PRPH: variants seen among roughly 807,000 people sequenced by gnomAD.
The protein encoded by PRPH is peripherin.
In PRPH, 48 loss-of-function variants were observed where a neutral mutation model predicts 52.6. The observed-to-expected ratio is 0.91, with a 90% confidence interval of 0.72 to 1.16. The LOEUF (loss-of-function observed/expected upper bound fraction) is 1.16. Ranked by LOEUF, PRPH falls within the 50% of genes most tolerant of loss-of-function variation. The pLI is 0.00. For missense variants in PRPH, 579 were observed against 635.7 expected (o/e 0.91, Z 0.96); for synonymous variants, 279 against 283.8 (o/e 0.98, Z 0.17).
At chr12:49,298,075 C>T (rs1449682144) in intron 8 of PRPH, 38 bp downstream of exon 8, 1 of 1,601,156 alleles carries the variant, frequency 6.2e-7, no homozygotes, top group East Asian at 2.2e-5. Flanking sequence ...CCCACCATTT[C>T]CCATATTATT....
Position 49,297,652 on chromosome 12 carries a change from C to T in PRPH, c.1218-25C>T, listed in dbSNP as rs770406093. 14 of 1,613,088 alleles carry T rather than the reference C, an allele frequency of 8.7e-6. No homozygotes were observed. In the African/African-American group the frequency reaches 1.3e-4, roughly 15 times the overall value. On this transcript the variant is annotated intron_variant, in intron 6 of 8. Coordinates refer to ENST00000257860, the MANE Select transcript of PRPH (RefSeq NM_006262.4). This position sits in a 1 kb window ranked among gnomAD's most constrained non-coding sequence, Gnocchi z 4.4. ...GGGCAGGGCGGGGCCTGGGCAGGGGCGCTGACAACTTGCTTCGCCTCTAGG... is the reference window on the plus strand; with the variant it reads ...GGGCAGGGCGGGGCCTGGGCAGGGGTGCTGACAACTTGCTTCGCCTCTAGG...
At position 49,296,155 on chromosome 12, in the gene PRPH, C is replaced by A; in HGVS notation, c.546-23C>A. 1 of 1,609,868 alleles carries A rather than the reference C, an allele frequency of 6.2e-7. No individual in the cohort carries two copies. The highest frequency in any genetic ancestry group is 2.0e-4 in the Middle Eastern group (1 of 4,882). ...GCTGGGCGGCGACCCCGCAGTTCAGCCTCTGCACGCTCTTCCCGTCAGGTT... is the reference window on the plus strand; with the variant it reads ...GCTGGGCGGCGACCCCGCAGTTCAGACTCTGCACGCTCTTCCCGTCAGGTT... On this transcript the variant is annotated intron_variant, in intron 1 of 8. Coordinates refer to ENST00000257860, the MANE Select transcript of PRPH (RefSeq NM_006262.4). This position sits in a 1 kb window ranked among gnomAD's most constrained non-coding sequence, Gnocchi z 5.1.
intron 1 of PRPH, 149 bp downstream of exon 1, chr12:49,295,894 C>T: frequency 6.9e-7 from 1 of 1,440,622 alleles, no homozygotes; most frequent in East Asian, 2.5e-5. Flanking sequence ...GGGCAGCATC[C>T]CTGCCCACGG....
In PRPH at chr12:49,296,609, C is replaced by A; in HGVS notation, c.702+82C>A. 1 of 1,331,438 alleles carries A rather than the reference C, an allele frequency of 7.5e-7. No individual in the cohort carries two copies. The highest frequency in any genetic ancestry group is 1.1e-6 in the Non-Finnish European group (1 of 938,912). 82.5% of individuals were successfully genotyped at this position (1,331,438 alleles called of 1,614,324 possible). On this transcript the variant is annotated intron_variant, in intron 3 of 8. Transcript: ENST00000257860. The surrounding 1 kb of genome is among the most constrained non-coding windows in gnomAD (Gnocchi z 5.1). Reference sequence around the variant, plus strand: ...GCTGGCGGGTGGAGCGGAGGCATCGCCCTGGGGATCAGGACGATGCTGGGT... The same window carrying A: ...GCTGGCGGGTGGAGCGGAGGCATCGACCTGGGGATCAGGACGATGCTGGGT...
rs747403786 is a variant in PRPH, at chr12:49,297,627, G to A, written c.1217+50G>A. ...GGCAGGGCGGGGTCGGGACTGGGCC[G>A]GGCAGGGCGGGGCCTGGGCAGGGGC... On this transcript the variant is annotated intron_variant, in intron 6 of 8. Transcript: ENST00000257860. The surrounding 1 kb of genome is among the most constrained non-coding windows in gnomAD (Gnocchi z 4.4). 3.1e-6 allele frequency: 5 copies of A among 1,611,484 alleles called. No homozygotes were observed. Among genetic ancestry groups the A allele is most frequent in the Admixed American group, 1.7e-5 (1 of 59,966 alleles).
rs142149515 is a variant in PRPH, at chr12:49,298,177, A to G, written c.1348-111A>G. ...AGGAGACAGAGAACGTGGATAGATA[A>G]CCAGGAGCCTCTGCTGGTTACCCCA... On this transcript the variant is annotated intron_variant, in intron 8 of 8. Transcript: ENST00000257860. 929 of 1,485,364 alleles carry G rather than the reference A, an allele frequency of 6.3e-4. 6 individuals are homozygous for G. In the African/African-American group the frequency reaches 0.012, roughly 19 times the overall value. 92.0% of individuals were successfully genotyped at this position (1,485,364 alleles called of 1,614,324 possible). A position where few individuals can be genotyped will look rare whatever the true frequency, so the allele number is the denominator to read the frequency against.
rs1943187378 is a variant in PRPH, at chr12:49,296,793, G to C, written c.703-96G>C. ...CCTGCCCTCCCTGGCGCCCACTTCT[G>C]TTCGTTCAAGCGTTTCTTCTCTTTT... is the stretch of plus-strand genomic sequence containing the variant. On this transcript the variant is annotated intron_variant, in intron 3 of 8. Coordinates refer to ENST00000257860, the MANE Select transcript of PRPH (RefSeq NM_006262.4). The surrounding 1 kb of genome is among the most constrained non-coding windows in gnomAD (Gnocchi z 5.1). 22 of 1,528,348 alleles carry C rather than the reference G, an allele frequency of 1.4e-5. No homozygotes were observed. The highest frequency in any genetic ancestry group is 1.9e-5 in the Non-Finnish European group (22 of 1,132,966). 94.7% of individuals were successfully genotyped at this position (1,528,348 alleles called of 1,614,324 possible). A position where few individuals can be genotyped will look rare whatever the true frequency, so the allele number is the denominator to read the frequency against.
rs1943182614 is a variant in PRPH, at chr12:49,296,545, CAG to C, written c.702+19_702+20del. 6.2e-7 allele frequency: 1 copy of C among 1,611,356 alleles called. No homozygotes were observed. Among genetic ancestry groups the C allele is most frequent in the Non-Finnish European group, 8.5e-7 (1 of 1,177,978 alleles). On this transcript the variant is annotated intron_variant, in intron 3 of 8. Coordinates refer to ENST00000257860, the MANE Select transcript of PRPH (RefSeq NM_006262.4). This position sits in a 1 kb window ranked among gnomAD's most constrained non-coding sequence, Gnocchi z 5.1. ...ACGAGGAGGTAAGTGGGCCCGGTAT[CAG>C]GGGCGGTTTCTGAGGTTGTGGGGTG...
In PRPH at chr12:49,295,746, GTCA is replaced by G; in HGVS notation, c.545+2_545+4del. On this transcript the variant is annotated splice_donor_variant and splice_donor_region_variant and intron_variant, in intron 1 of 8. Transcript: ENST00000257860. LOFTEE classifies it high-confidence loss of function. Reference sequence around the variant, plus strand: ...AGGACCTGGCGGCGCTCAAGCAGAGGTCAGGGGGCAGGGCTGGGCCGCTGCCGT... The same window carrying G: ...AGGACCTGGCGGCGCTCAAGCAGAGGGGGGGCAGGGCTGGGCCGCTGCCGT... 2.7e-6 allele frequency: 4 copies of G among 1,502,274 alleles called. No homozygotes were observed. Among genetic ancestry groups the G allele is most frequent in the Non-Finnish European group, 3.5e-6 (4 of 1,133,320 alleles). 93.1% of individuals were successfully genotyped at this position (1,502,274 alleles called of 1,614,324 possible). A position where few individuals can be genotyped will look rare whatever the true frequency, so the allele number is the denominator to read the frequency against.
At position 49,295,336 on chromosome 12, in the gene PRPH, C is replaced by G. The variant is rs1565657434; in HGVS notation, c.136C>G (p.Leu46Val). The G allele has an allele frequency of 1.2e-6, 2 of 1,611,114 alleles. No individual in the cohort carries two copies. The highest frequency in any genetic ancestry group is 8.5e-7 in the Non-Finnish European group (1 of 1,179,448). The change falls in exon 1 of 9, where the codon CTG becomes GTG. Residue 46 changes from leucine (L) to valine (V), a missense_variant. Leu to Val is a conservative substitution (Grantham distance 32). Transcript: ENST00000257860. ...CTCCCGCTTCTCCAGCAGCCGCCTG[C>G]TGGGCTCCGCGTCCCCGAGCTCCTC... is the stretch of plus-strand genomic sequence containing the variant. The part of the protein sequence containing the change: ...SSSRFSSSRL[L>V]GSASPSSSVR...
rs1271424867 is a variant in PRPH at position 49,296,979 on chromosome 12, C to G, written c.793C>G (p.Leu265Val). ...ATVKPELTAA[L>V]RDIRAQYESI... is the part of the protein sequence containing the mutation. Reference sequence around the variant, plus strand: ...GGTGAAGCCCGAGCTGACGGCAGCGCTGAGGGACATCCGCGCGCAGTACGA... The same window carrying G: ...GGTGAAGCCCGAGCTGACGGCAGCGGTGAGGGACATCCGCGCGCAGTACGA... Residue 265 changes from leucine to valine, a missense_variant, in exon 4 of 9, where the codon CTG (leucine) becomes GTG (valine). Coordinates refer to ENST00000257860, the MANE Select transcript of PRPH (RefSeq NM_006262.4). The surrounding 1 kb of genome is among the most constrained non-coding windows in gnomAD (Gnocchi z 5.1). 1 of 1,613,850 alleles carries G rather than the reference C, an allele frequency of 6.2e-7. No homozygotes were observed. The highest frequency in any genetic ancestry group is 8.5e-7 in the Non-Finnish European group (1 of 1,179,970).
Position 49,297,105 on chromosome 12 carries a change from C to T in PRPH, c.871-43C>T. 6.2e-7 allele frequency: 1 copy of T among 1,613,868 alleles called. No homozygotes were observed. On this transcript the variant is annotated intron_variant, in intron 4 of 8. Coordinates refer to ENST00000257860, the MANE Select transcript of PRPH (RefSeq NM_006262.4). This position sits in a 1 kb window ranked among gnomAD's most constrained non-coding sequence, Gnocchi z 4.4. ...GAGGCGGGACGCTGGGGTGGTGTCGCGCGTCCCAGCCGACTAAAGCCTGGG... is the reference window on the plus strand; with the variant it reads ...GAGGCGGGACGCTGGGGTGGTGTCGTGCGTCCCAGCCGACTAAAGCCTGGG...
Position 49,296,108 on chromosome 12 carries a change from G to C in PRPH, c.546-70G>C. On this transcript the variant is annotated intron_variant, in intron 1 of 8. Transcript: ENST00000257860. The surrounding 1 kb of genome is among the most constrained non-coding windows in gnomAD (Gnocchi z 5.1). Reference sequence around the variant, plus strand: ...GAACAGCCTCTAACCGGATCCTGGGGGGCGTGCGGTCTGGGGTGCGAGCTG... The same window carrying C: ...GAACAGCCTCTAACCGGATCCTGGGCGGCGTGCGGTCTGGGGTGCGAGCTG... 1 of 1,510,526 alleles carries C rather than the reference G, an allele frequency of 6.6e-7. No individual in the cohort carries two copies. Among genetic ancestry groups the C allele is most frequent in the Non-Finnish European group, 9.0e-7 (1 of 1,105,944 alleles). 93.6% of individuals were successfully genotyped at this position (1,510,526 alleles called of 1,614,324 possible).
At position 49,297,057 on chromosome 12, in the gene PRPH, G is replaced by A; in HGVS notation, c.870+1G>A. 1 of 1,613,884 alleles carries A rather than the reference G, an allele frequency of 6.2e-7. No homozygotes were observed. The highest frequency in any genetic ancestry group is 1.1e-5 in the South Asian group (1 of 91,070). ...GGCGGAGGAGTGGTACAAGTCCAAG[G>A]TGCAAGAGCCGGGAGGGCCTGCGAG... On this transcript the variant is annotated splice_donor_variant, in intron 4 of 8. Transcript: ENST00000257860. LOFTEE classifies it high-confidence loss of function. This position sits in a 1 kb window ranked among gnomAD's most constrained non-coding sequence, Gnocchi z 4.4.
In PRPH at chr12:49,297,398, G is replaced by T; in HGVS notation, c.1038G>T (p.Gln346His). 1 of 1,613,590 alleles carries T rather than the reference G, an allele frequency of 6.2e-7. No homozygotes were observed. The highest frequency in any genetic ancestry group is 8.5e-7 in the Non-Finnish European group (1 of 1,179,910). Residue 346 changes from glutamine to histidine, a missense_variant, in exon 6 of 9, where the codon CAG becomes CAT. By Grantham distance (24) the Gln-to-His change is conservative. Coordinates refer to ENST00000257860, the MANE Select transcript of PRPH (RefSeq NM_006262.4). This position sits in a 1 kb window ranked among gnomAD's most constrained non-coding sequence, Gnocchi z 4.4. ...LLRQLRELEE[Q>H]FALEAGGYQA... ...GGCAGTTGAGAGAGCTGGAGGAGCAGTTCGCCCTGGAGGCGGGGGGCTACC... is the reference window on the plus strand; with the variant it reads ...GGCAGTTGAGAGAGCTGGAGGAGCATTTCGCCCTGGAGGCGGGGGGCTACC...
At position 49,296,302 on chromosome 12, in the gene PRPH, G is replaced by A. The variant is rs973309115; in HGVS notation, c.606+64G>A. 6.3e-7 allele frequency: 1 copy of A among 1,591,946 alleles called. No homozygotes were observed. The highest frequency in any genetic ancestry group is 1.3e-5 in the African/African-American group (1 of 74,680). On this transcript the variant is annotated intron_variant, in intron 2 of 8. Transcript: ENST00000257860. This position sits in a 1 kb window ranked among gnomAD's most constrained non-coding sequence, Gnocchi z 5.1. Reference sequence around the variant, plus strand: ...GCTACCCCCGATCTCAGTATCCAGAGGTGGCATCGGTGGGCGCGGGGAGAA... The same window carrying A: ...GCTACCCCCGATCTCAGTATCCAGAAGTGGCATCGGTGGGCGCGGGGAGAA...
Position 49,295,655 on chromosome 12 carries a change from G to A in PRPH, c.455G>A (p.Arg152Gln). The change falls in exon 1 of 9, where the codon CGG becomes CAG. Residue 152 changes from arginine to glutamine, a missense_variant. Coordinates refer to ENST00000257860, the MANE Select transcript of PRPH (RefSeq NM_006262.4). The part of the protein sequence containing the change: ...QLCQQELREL[R>Q]RELELLGRER... ...TGCCAGCAGGAGCTGCGCGAGCTGC[G>A]GCGAGAGCTGGAGCTGTTGGGCCGC... The A allele has an allele frequency of 6.5e-7, 1 of 1,538,500 alleles. No homozygotes were observed. The highest frequency in any genetic ancestry group is 8.7e-7 in the Non-Finnish European group (1 of 1,144,536).
Position 49,295,316 on chromosome 12 carries a change from G to T in PRPH, c.116G>T (p.Arg39Leu). 6.2e-7 allele frequency: 1 copy of T among 1,611,450 alleles called. No individual in the cohort carries two copies. Among genetic ancestry groups the T allele is most frequent in the East Asian group, 2.2e-5 (1 of 44,848 alleles). The change falls in exon 1 of 9, where the codon CGC (arginine) becomes CTC (leucine). Residue 39 changes from arginine to leucine, a missense_variant. By Grantham distance (102) the Arg-to-Leu change is moderately radical. Coordinates refer to ENST00000257860, the MANE Select transcript of PRPH (RefSeq NM_006262.4). The part of the protein sequence containing the change: ...PGAFSYSSSS[R>L]FSSSRLLGSA... ...GCCTTCTCCTACTCGTCCAGCTCCC[G>T]CTTCTCCAGCAGCCGCCTGCTGGGC...
Position 49,297,301 on chromosome 12 carries a change from C to G in PRPH, c.996+28C>G, listed in dbSNP as rs751894948. On this transcript the variant is annotated intron_variant, in intron 5 of 8. Transcript: ENST00000257860. This position sits in a 1 kb window ranked among gnomAD's most constrained non-coding sequence, Gnocchi z 4.4. ...GAGTACGAAGCTGCGCGCTCGGGCC[C>G]GGGGAGCGGACGATGAAATGTTCTG... 2 of 1,613,592 alleles carry G rather than the reference C, an allele frequency of 1.2e-6. No individual in the cohort carries two copies. The highest frequency in any genetic ancestry group is 3.3e-5 in the Admixed American group (2 of 59,974).
Sources: gnomAD v4.1 joint callset for allele counts on GRCh38, gnomAD v4.1.1 for gene constraint, Gnocchi (gnomAD v3.1) non-coding constraint, MANE v1.5 for transcripts, NCBI Gene and HGNC (gene_info 2026-07-23, HGNC 2026-07-21) for gene names.